ZEB1: variants seen among roughly 807,000 people sequenced by gnomAD.
ZEB1 encodes the protein zinc finger E-box-binding homeobox 1.
Under a neutral mutation model 84.9 loss-of-function variants are expected in ZEB1, and 21 were observed. The observed-to-expected ratio is 0.25, with a 90% confidence interval of 0.18 to 0.36. The LOEUF (loss-of-function observed/expected upper bound fraction) is 0.36, where lower values mean the gene tolerates loss of function less well. Ranked by LOEUF, ZEB1 falls within the 10% of genes least tolerant of loss-of-function variation. The pLI is 1.00. For missense variants in ZEB1, 1,104 were observed against 1,330.2 expected (o/e 0.83, Z 2.65); for synonymous variants, 420 against 471.1 (o/e 0.89, Z 1.41).
At chr10:31,429,452 T>A (rs2057396882) in intron 1 of ZEB1, among the ~76,000 whole-genome samples, 1 of 152,154 alleles carries the variant, frequency 6.6e-6, no homozygotes, top group African/African-American at 2.4e-5. Context: ...GCATACTGCA[T>A]GTTCTCACAT....
At position 31,404,208 on chromosome 10, in the gene ZEB1, T is replaced by C. The variant is rs1434404738; in HGVS notation, c.59-56829T>C. The stretch of plus-strand genomic sequence containing the variant: ...TTGCTTCTCTGATTGCTGTGTACCC[T>C]TTTCTGCAGCCGTTTTTTTTTTAAC... On this transcript the variant is annotated intron_variant, in intron 1 of 8. Transcript: ENST00000424869. 2.0e-5 allele frequency among the ~76,000 whole-genome samples: 3 copies of C among 150,880 alleles called. No homozygotes were observed. The East Asian group carries it at 5.8e-4, about 29-fold the overall frequency.
intron 8 of ZEB1, among the ~76,000 whole-genome samples, 174 bp downstream of exon 8, chr10:31,524,287 C>G (rs979618788): frequency 1.3e-5 from 2 of 151,472 alleles, no homozygotes; most frequent in African/African-American, 4.9e-5. Flanking sequence ...ATCTCAATCT[C>G]GGCTCACTGC....
intron 1 of ZEB1, among the ~76,000 whole-genome samples, chr10:31,421,965 G>C (rs1449535523): frequency 1.3e-5 from 2 of 151,858 alleles, no homozygotes; most frequent in Non-Finnish European, 2.9e-5. Flanking sequence ...GACCACCTCT[G>C]ATCCCCTTAG....
intron 8 of ZEB1, among the ~76,000 whole-genome samples, chr10:31,525,375 G>T (rs2073229288): frequency 1.3e-5 from 2 of 152,184 alleles, no homozygotes; most frequent in African/African-American, 2.4e-5. Context: ...GGGAAGCCCT[G>T]ATTTGTAGTG....
chr10:31,323,584 A>C (rs564099165), intron 1 of ZEB1, among the ~76,000 whole-genome samples: 68 of 152,164 alleles, frequency 4.5e-4, no homozygotes, highest in African/African-American at 1.5e-3. Flanking sequence ...GTCAGTTGTA[A>C]TTAAGGAATA....
rs2055458200 is a variant in ZEB1 at position 31,417,737 on chromosome 10, C to G, written c.59-43300C>G. Reference sequence around the variant, plus strand: ...TTAACCAGGCAGTATCTCTGTTCCTCATTCTGAACACCCAATATGGTACTT... The same window carrying G: ...TTAACCAGGCAGTATCTCTGTTCCTGATTCTGAACACCCAATATGGTACTT... On this transcript the variant is annotated intron_variant, in intron 1 of 8. Transcript: ENST00000424869. Among the ~76,000 whole-genome samples the G allele has an allele frequency of 2.6e-5, 4 of 152,054 alleles. No individual in the cohort carries two copies. In the South Asian group the frequency reaches 8.3e-4, roughly 32 times the overall value.
At chr10:31,401,740 A>G (rs576553167) in intron 1 of ZEB1, among the ~76,000 whole-genome samples, 2 of 152,330 alleles carry the variant, frequency 1.3e-5, no homozygotes, top group South Asian at 2.1e-4. Context: ...CTGCAATTTT[A>G]ACATCGTGCT....
At chr10:31,510,999 G>A (rs2139511591) in intron 5 of ZEB1, 124 bp downstream of exon 5, 1 of 918,410 alleles carries the variant, frequency 1.1e-6, no homozygotes, top group Non-Finnish European at 1.7e-6. Flanking sequence ...TATATCTGCA[G>A]CCTTATAAAA....
intron 8 of ZEB1, among the ~76,000 whole-genome samples, chr10:31,526,162 G>A (rs1358894734): frequency 6.6e-6 from 1 of 152,212 alleles, no homozygotes; most frequent in Non-Finnish European, 1.5e-5. Flanking sequence ...GTTTTCTAAA[G>A]AAGCTCAGTA....
intron 3 of ZEB1, among the ~76,000 whole-genome samples, chr10:31,500,029 A>C (rs970997999): frequency 1.3e-5 from 2 of 152,088 alleles, no homozygotes; most frequent in African/African-American, 4.8e-5. Context: ...AAAACTCATT[A>C]TTCCAACAGC....
intron 2 of ZEB1, among the ~76,000 whole-genome samples, chr10:31,467,131 G>A (rs995566210): frequency 6.6e-6 from 1 of 152,140 alleles, no homozygotes; most frequent in African/African-American, 2.4e-5. Flanking sequence ...ACCCAAGGAA[G>A]GTGTGAGTGA....
intron 1 of ZEB1, among the ~76,000 whole-genome samples, chr10:31,343,711 T>A (rs1410150372): frequency 6.6e-6 from 1 of 152,040 alleles, no homozygotes; most frequent in Non-Finnish European, 1.5e-5. Flanking sequence ...TTAGAGCAGG[T>A]GTGCTATGGT....
In ZEB1 at chr10:31,527,447, AC is replaced by A. The variant is rs1406678405; in HGVS notation, c.*184del. The stretch of plus-strand genomic sequence containing the variant: ...CACACACACACACACACACACACAC[AC>A]ACACAAAATAAATCCGGGTGTGCCT... On this transcript the variant is annotated 3_prime_UTR_variant, in exon 9 of 9. Transcript: ENST00000424869. 9 of 737,936 alleles carry A rather than the reference AC, an allele frequency of 1.2e-5. No homozygotes were observed. Among genetic ancestry groups the A allele is most frequent in the Middle Eastern group, 4.0e-4 (1 of 2,488 alleles). The allele number at this position is 737,936 out of a possible 1,614,324, so 45.7% of individuals were successfully genotyped here. A position where few individuals can be genotyped will look rare whatever the true frequency, so the allele number is the denominator to read the frequency against.
chr10:31,339,615 A>G (rs1564514382), intron 1 of ZEB1, among the ~76,000 whole-genome samples: 1 of 151,960 alleles, frequency 6.6e-6, no homozygotes, highest in Non-Finnish European at 1.5e-5. Context: ...TAAAAATACA[A>G]AAAACTTAGC....
intron 2 of ZEB1, among the ~76,000 whole-genome samples, chr10:31,477,678 G>T (rs2064425489): frequency 6.6e-6 from 1 of 152,090 alleles, no homozygotes; most frequent in East Asian, 1.9e-4. Flanking sequence ...TAGATCAGAG[G>T]AATAGAACAA....
At chr10:31,353,826 C>T (rs1185387700) in intron 1 of ZEB1, among the ~76,000 whole-genome samples, 1 of 152,160 alleles carries the variant, frequency 6.6e-6, no homozygotes, top group Non-Finnish European at 1.5e-5. Context: ...GAGAAGGAGT[C>T]ACAGAAAACC....
intron 1 of ZEB1, among the ~76,000 whole-genome samples, chr10:31,448,903 GAGGC>G (rs1013062125): frequency 2.2e-4 from 34 of 152,358 alleles, no homozygotes; most frequent in African/African-American, 7.0e-4. Flanking sequence ...GGAGCCTACA[GAGGC>G]AGGCAGGCCT....
intron 1 of ZEB1, among the ~76,000 whole-genome samples, chr10:31,324,248 T>A (rs1311387379): frequency 6.6e-6 from 1 of 152,072 alleles, no homozygotes; most frequent in Non-Finnish European, 1.5e-5. Context: ...TCTTCCTTTC[T>A]CTAGTCTCTA....
chr10:31,522,632 G>C (rs2072651277), intron 7 of ZEB1, among the ~76,000 whole-genome samples: 1 of 152,132 alleles, frequency 6.6e-6, no homozygotes, highest in Non-Finnish European at 1.5e-5. Flanking sequence ...ATCCACAATA[G>C]TTTTGGATAG....
Sources: gnomAD v4.1 joint callset for allele counts (sites outside exome capture counted in the v4.1 genomes callset) on GRCh38, gnomAD v4.1.1 for gene constraint, MANE v1.5 for transcripts, NCBI Gene and HGNC (gene_info 2026-07-23, HGNC 2026-07-21) for gene names.